MEIS1: variants seen among roughly 807,000 people sequenced by gnomAD.
MEIS1 encodes Meis homeobox 1.
MEIS1 carries 5 observed loss-of-function variants against 50.8 expected under a neutral mutation model. The observed-to-expected ratio is 0.10, with a 90% CI of 0.05 to 0.21. MEIS1 has a LOEUF of 0.21. Among genes scored for constraint, MEIS1 ranks in the 10% least tolerant of loss-of-function variants. MEIS1 has a pLI of 1.00. For missense variants in MEIS1, 318 were observed against 517.3 expected, an observed-to-expected ratio of 0.61 and a Z score of 3.74; for synonymous variants, 176 against 179.3, an observed-to-expected ratio of 0.98 and a Z score of 0.15.
intron 6 of MEIS1, among the ~76,000 whole-genome samples, chr2:66,449,680 C>G (rs1471394616): frequency 6.6e-6 from 1 of 152,088 alleles, no homozygotes; most frequent in East Asian, 1.9e-4. Flanking sequence ...ATATTTGTCA[C>G]TAGAATCCAA....
At chr2:66,464,912 G>T (rs912293015) in intron 7 of MEIS1, among the ~76,000 whole-genome samples, 2 of 152,186 alleles carry the variant, frequency 1.3e-5, no homozygotes, top group African/African-American at 4.8e-5. Context: ...GGCGAATTGA[G>T]TATTCAAATG....
chr2:66,507,847 T>G (rs1187615784), intron 7 of MEIS1, among the ~76,000 whole-genome samples: 1 of 152,196 alleles, frequency 6.6e-6, no homozygotes, highest in Admixed American at 6.5e-5. Context: ...TCGGGATGTT[T>G]GAGTTGAGAG....
intron 8 of MEIS1, among the ~76,000 whole-genome samples, chr2:66,546,622 T>C (rs548562774): frequency 2.1e-4 from 32 of 152,310 alleles, no homozygotes; most frequent in African/African-American, 7.2e-4. Context: ...CAAAGGGATA[T>C]AATGGGGATT....
At chr2:66,439,501 G>C (rs1671894933) in intron 2 of MEIS1, 1 of 1,454,114 alleles carries the variant, frequency 6.9e-7, no homozygotes, top group Admixed American at 2.4e-5. Flanking sequence ...TGCAGTGGAG[G>C]GGACGAGGGC....
At chr2:66,530,007 G>C (rs796761318) in intron 8 of MEIS1, among the ~76,000 whole-genome samples, 3 of 152,246 alleles carry the variant, frequency 2.0e-5, no homozygotes, top group African/African-American at 7.2e-5. Flanking sequence ...ATGGGACTCA[G>C]AGTAAGAACA....
chr2:66,564,626 T>G (rs1163198590), intron 9 of MEIS1, among the ~76,000 whole-genome samples: 2 of 152,180 alleles, frequency 1.3e-5, no homozygotes, highest in African/African-American at 4.8e-5. Flanking sequence ...TTTAACTATT[T>G]GAAGGGCTAT....
chr2:66,552,312 C>T (rs1053866731), intron 9 of MEIS1, among the ~76,000 whole-genome samples: 19 of 152,182 alleles, frequency 1.2e-4, no homozygotes, highest in Admixed American at 1.2e-3. Flanking sequence ...TTGTTTACTA[C>T]TCCTCATCCA....
At chr2:66,538,745 A>T (rs1674577846) in intron 8 of MEIS1, among the ~76,000 whole-genome samples, 1 of 152,226 alleles carries the variant, frequency 6.6e-6, no homozygotes, top group African/African-American at 2.4e-5. Context: ...CATGTAATAA[A>T]CAAAAGTAAT....
chr2:66,510,430 A>G (rs1673798766), intron 7 of MEIS1, among the ~76,000 whole-genome samples: 1 of 152,188 alleles, frequency 6.6e-6, no homozygotes, highest in Non-Finnish European at 1.5e-5. Flanking sequence ...TGATACAACA[A>G]TGGCTTTGGA....
intron 9 of MEIS1, among the ~76,000 whole-genome samples, chr2:66,559,230 G>A (rs764662339): frequency 6.6e-6 from 1 of 152,022 alleles, no homozygotes; most frequent in East Asian, 1.9e-4. Context: ...CTAACACAAC[G>A]GGGTTTTAAA....
chr2:66,536,775 A>G (rs1674529407), intron 8 of MEIS1, among the ~76,000 whole-genome samples: 2 of 152,250 alleles, frequency 1.3e-5, no homozygotes, highest in South Asian at 2.1e-4. Flanking sequence ...GTTCTTTTAT[A>G]ATGCATAAAA....
chr2:66,537,497 G>T (rs1233251308), intron 8 of MEIS1, among the ~76,000 whole-genome samples: 1 of 152,112 alleles, frequency 6.6e-6, no homozygotes, highest in Non-Finnish European at 1.5e-5. Flanking sequence ...AGTTCCAGGG[G>T]TCTTTAGTCA....
chr2:66,481,505 T>A (rs2103785067), intron 7 of MEIS1, among the ~76,000 whole-genome samples: 1 of 152,312 alleles, frequency 6.6e-6, no homozygotes, highest in African/African-American at 2.4e-5. Context: ...ATGACAGCAA[T>A]GACGCTGCCA....
At chr2:66,441,706 CTTTGTGTAAATAG>C (rs1671988436) in intron 5 of MEIS1, 1 of 480,884 alleles carries the variant, frequency 2.1e-6, no homozygotes, top group African/African-American at 2.1e-5. Context: ...AACTTGCTGG[CTTTGTGTAAATAG>C]TTGCAATTCT....
At chr2:66,473,397 A>AAAAAAAAAAATAT in intron 7 of MEIS1, among the ~76,000 whole-genome samples, 5 of 107,594 alleles carry the variant, frequency 4.6e-5, no homozygotes, top group African/African-American at 2.9e-4. Context: ...AAAAAAAAAA[A>AAAAAAAAAAATAT]ATATATATAT....
At chr2:66,507,673 GA>G (rs1218654229) in intron 7 of MEIS1, among the ~76,000 whole-genome samples, 1 of 151,940 alleles carries the variant, frequency 6.6e-6, no homozygotes, top group Non-Finnish European at 1.5e-5. Context: ...AGTAGGGAGA[GA>G]AAAAAAATGG....
chr2:66,523,015 A>G (rs1356013335), intron 8 of MEIS1, among the ~76,000 whole-genome samples: 2 of 152,220 alleles, frequency 1.3e-5, no homozygotes, highest in African/African-American at 4.8e-5. Flanking sequence ...TTCTATCTTT[A>G]AGCATGTTAC....
chr2:66,469,949 A>T (rs1201307342), intron 7 of MEIS1, among the ~76,000 whole-genome samples: 1 of 151,998 alleles, frequency 6.6e-6, no homozygotes, highest in Admixed American at 6.5e-5. Context: ...AAAAACACGA[A>T]AAAATCTAAC....
rs765251723 is a variant in MEIS1 at position 66,571,883 on chromosome 2, G to T, written c.*675G>T. The T allele has an allele frequency of 1.3e-4, 32 of 237,496 alleles. No homozygotes were observed. The highest frequency in any genetic ancestry group is 2.3e-4 in the Non-Finnish European group (29 of 125,462). The allele number at this position is 237,496 out of a possible 1,614,324, so 14.7% of individuals were successfully genotyped here. On this transcript the variant is annotated 3_prime_UTR_variant, in exon 13 of 13. Coordinates refer to ENST00000272369, the MANE Select transcript of MEIS1 (RefSeq NM_002398.3). Reference sequence around the variant, plus strand: ...TCCAGAAGCCTCCTTACATTAAAAAGCCTTACAGTTATCCTGCAAGGGACA... The same window carrying T: ...TCCAGAAGCCTCCTTACATTAAAAATCCTTACAGTTATCCTGCAAGGGACA...
Sources: allele counts gnomAD v4.1 joint callset (sites outside exome capture counted in the v4.1 genomes callset), GRCh38; gene constraint gnomAD v4.1.1; transcripts MANE v1.5; gene names NCBI Gene and HGNC (gene_info 2026-07-23, HGNC 2026-07-21).